Variants in SCN9A observed in about 807,000 individuals in gnomAD.
SCN9A encodes the protein sodium channel protein type 9 subunit alpha.
In SCN9A, 131 loss-of-function variants were observed where a neutral mutation model predicts 187.0. The ratio of observed to expected loss-of-function variants is 0.70; its 90% CI spans 0.61 to 0.81. The LOEUF (loss-of-function observed/expected upper bound fraction) is 0.81, where lower values mean the gene tolerates loss of function less well. Among genes scored for constraint, SCN9A ranks in the 30% least tolerant of loss-of-function variants. The pLI, the probability that SCN9A is intolerant of heterozygous loss-of-function variation, is 0.00. For missense variants in SCN9A, 2,252 were observed against 2,396.6 expected (o/e 0.94, Z 1.26); for synonymous variants, 809 against 808.6 (o/e 1.00, Z -0.01).
chr2:166,319,442 T>C (rs2105242335), intron 1 of SCN9A, among the ~76,000 whole-genome samples: 1 of 151,718 alleles, frequency 6.6e-6, no homozygotes, highest in African/African-American at 2.4e-5. Flanking sequence ...CTTTAGAACG[T>C]GTAAATAGCC....
chr2:166,203,936 G>T lies in SCN9A; in HGVS notation c.4774+19C>A, dbSNP rs766937671. On this transcript the variant is annotated intron_variant, in intron 26 of 26. Coordinates refer to ENST00000642356, the MANE Select transcript of SCN9A (RefSeq NM_001365536.1). ...TAGCTTTACTCAAAAAATAAAATCT[G>T]AAAAATAAATATTCTTACCTACAAT... The T allele has an allele frequency of 1.3e-5, 19 of 1,438,582 alleles. No individual in the cohort carries two copies. Among genetic ancestry groups the T allele is most frequent in the Non-Finnish European group, 1.8e-5 (19 of 1,048,404 alleles). The allele number at this position is 1,438,582 out of a possible 1,614,324, so 89.1% of individuals were successfully genotyped here.
At chr2:166,331,828 C>T (rs1699510033) in intron 1 of SCN9A, among the ~76,000 whole-genome samples, 1 of 152,150 alleles carries the variant, frequency 6.6e-6, no homozygotes, top group Admixed American at 6.5e-5. Context: ...ATTCCACTAA[C>T]TTTCCATCAC....
chr2:166,305,691 C>G lies in SCN9A; in HGVS notation c.596+101G>C. On this transcript the variant is annotated intron_variant, in intron 5 of 26. Transcript: ENST00000642356. ...CATTTTCCTTTAAATACAGACATTC[C>G]ATGCTGGAAAAATCAGACCCCAGAG... 4.1e-6 allele frequency: 6 copies of G among 1,466,388 alleles called. No homozygotes were observed. The South Asian group carries it at 7.3e-5, about 18-fold the overall frequency. The allele number at this position is 1,466,388 out of a possible 1,614,324, so 90.8% of individuals were successfully genotyped here. A position where few individuals can be genotyped will look rare whatever the true frequency, so the allele number is the denominator to read the frequency against.
At chr2:166,221,347 A>G (rs753785704) in intron 24 of SCN9A, among the ~76,000 whole-genome samples, 1 of 152,206 alleles carries the variant, frequency 6.6e-6, no homozygotes, top group Non-Finnish European at 1.5e-5. Context: ...CTGAATAGCC[A>G]AAGCAATCTT....
chr2:166,207,320 A>AT (rs1162897308), intron 24 of SCN9A, among the ~76,000 whole-genome samples: 4 of 151,352 alleles, frequency 2.6e-5, no homozygotes, highest in Non-Finnish European at 5.9e-5. Context: ...TTATTTACTT[A>AT]TTTTTTTAAT....
At chr2:166,270,762 G>GATTAT (rs1553486333) in intron 17 of SCN9A, among the ~76,000 whole-genome samples, 1 of 143,666 alleles carries the variant, frequency 7.0e-6, no homozygotes, top group Non-Finnish European at 1.5e-5. Flanking sequence ...GCATTTTACT[G>GATTAT]ATATATATAT....
intron 1 of SCN9A, among the ~76,000 whole-genome samples, chr2:166,341,437 A>T (rs949760373): frequency 7.2e-5 from 11 of 152,246 alleles, no homozygotes; most frequent in Non-Finnish European, 1.2e-4. Context: ...CTTTGAGTTC[A>T]GTGGCTTCTC....
intron 1 of SCN9A, among the ~76,000 whole-genome samples, chr2:166,333,610 C>T (rs561951163): frequency 6.6e-6 from 1 of 152,074 alleles, no homozygotes. Context: ...TGCTAAAGAA[C>T]ACAATACCAT....
rs1039227335 is a variant in SCN9A at position 166,233,542 on chromosome 2, A to G, written c.3802-80T>C. ...GAAAAAGTCAATTCTGAAACTCACT[A>G]AAAGCAACTCAACAGGAACAATAAG... On this transcript the variant is annotated intron_variant, in intron 20 of 26. Coordinates refer to ENST00000642356, the MANE Select transcript of SCN9A (RefSeq NM_001365536.1). The G allele has an allele frequency of 5.3e-6, 6 of 1,126,050 alleles. No homozygotes were observed. In the African/African-American group the frequency reaches 8.2e-5, roughly 15 times the overall value. 69.8% of individuals were successfully genotyped at this position (1,126,050 alleles called of 1,614,324 possible).
chr2:166,296,389 AAAC>A (rs1445430868), intron 7 of SCN9A, among the ~76,000 whole-genome samples: 1 of 152,206 alleles, frequency 6.6e-6, no homozygotes, highest in Non-Finnish European at 1.5e-5. Flanking sequence ...GACACAGATA[AAAC>A]AATAAAGCCT....
intron 1 of SCN9A, among the ~76,000 whole-genome samples, chr2:166,324,490 C>T (rs570232101): frequency 1.3e-3 from 205 of 152,168 alleles, no homozygotes; most frequent in African/African-American, 4.5e-3. Context: ...TCTCTAGAAA[C>T]ACATAGTGAT....
intron 12 of SCN9A, among the ~76,000 whole-genome samples, chr2:166,282,946 C>A (rs1341808367): frequency 6.6e-6 from 1 of 152,062 alleles, no homozygotes. Context: ...ATAGAGATGA[C>A]GTTATTAGTT....
chr2:166,275,093 T>C lies in SCN9A; in HGVS notation c.2874+1890A>G, dbSNP rs561916629. 1.7e-4 allele frequency among the ~76,000 whole-genome samples: 26 copies of C among 152,268 alleles called. 1 individual carries two copies. In the East Asian group the frequency reaches 5.0e-3, roughly 29 times the overall value. ...CCTTCCTATCTAAACAATACCTAAA[T>C]ACCTTTCTTTTCACAGAGAAGATAC... is the stretch of plus-strand genomic sequence containing the variant. On this transcript the variant is annotated intron_variant, in intron 16 of 26. Transcript: ENST00000642356.
intron 20 of SCN9A, 23 bp downstream of exon 20, chr2:166,238,071 A>G (rs1234546770): frequency 6.4e-7 from 1 of 1,572,904 alleles, no homozygotes; most frequent in African/African-American, 1.4e-5. Context: ...ATCCTCTTTT[A>G]AAATGTACTC....
Position 166,199,234 on chromosome 2 carries a change from A to C in SCN9A, c.5405T>G (p.Leu1802Arg). Residue 1802 changes from leucine (L) to arginine (R), a missense_variant, in exon 27 of 27, where the codon CTC becomes CGC. Physicochemically the swap from Leu to Arg is moderately radical, Grantham distance 102. This residue lies in a region of SCN9A where 345 missense variants were observed against 344.6 expected (regional missense o/e 1.00). Coordinates refer to ENST00000642356, the MANE Select transcript of SCN9A (RefSeq NM_001365536.1). The stretch of plus-strand genomic sequence containing the variant: ...ATCCAGGGCAGCTGCAAAATCAGAG[A>C]GTTTAGAGAACTCTATAAACTGGGT... ...DATQFIEFSK[L>R]SDFAAALDPP... is the part of the protein sequence containing the mutation. The C allele has an allele frequency of 6.2e-7, 1 of 1,614,170 alleles. No individual in the cohort carries two copies. Among genetic ancestry groups the C allele is most frequent in the Non-Finnish European group, 8.5e-7 (1 of 1,180,036 alleles).
chr2:166,233,220 C>T, intron 21 of SCN9A, 120 bp downstream of exon 21: 3 of 625,244 alleles, frequency 4.8e-6, no homozygotes, highest in Middle Eastern at 4.6e-4. Context: ...CACACACATA[C>T]ATAAACAGCC....
At chr2:166,279,427 A>G (rs1184342435) in intron 14 of SCN9A, among the ~76,000 whole-genome samples, 1 of 152,158 alleles carries the variant, frequency 6.6e-6, no homozygotes, top group East Asian at 1.9e-4. Context: ...CTCTGGCCCT[A>G]AAAATGAACT....
chr2:166,340,554 CTTTCTTT>C (rs1699747984), intron 1 of SCN9A, among the ~76,000 whole-genome samples: 4 of 67,378 alleles, frequency 5.9e-5, no homozygotes, highest in South Asian at 9.6e-4. Flanking sequence ...TTCTTTCTTT[CTTTCTTT>C]CTTTCTTTCT....
chr2:166,365,382 T>C (rs1339186313), intron 1 of SCN9A, among the ~76,000 whole-genome samples: 1 of 152,186 alleles, frequency 6.6e-6, no homozygotes, highest in Non-Finnish European at 1.5e-5. Flanking sequence ...TTTTTCTGGT[T>C]TTATGTTACC....
Sources: allele counts gnomAD v4.1 joint callset (sites outside exome capture counted in the v4.1 genomes callset), GRCh38; gene constraint gnomAD v4.1.1; regional missense constraint gnomAD v4.1.1; transcripts MANE v1.5; gene names NCBI Gene and HGNC (gene_info 2026-07-23, HGNC 2026-07-21).